Variants in HSPH1 observed in about 807,000 individuals in gnomAD.
HSPH1 encodes heat shock protein 105 kDa.
Under a neutral mutation model 100.0 loss-of-function variants are expected in HSPH1, and 40 were observed. That is an observed-to-expected ratio of 0.40 (90% CI 0.31 to 0.52). The LOEUF is 0.52. Ranked by LOEUF, HSPH1 falls within the 20% of genes least tolerant of loss-of-function variation. The pLI, the probability that HSPH1 is intolerant of heterozygous loss-of-function variation, is 0.54. For synonymous variants in HSPH1, 403 were observed against 344.0 expected (o/e 1.17, Z -1.90); for missense variants, 876 against 1,015.1 (o/e 0.86, Z 1.86).
chr13:31,145,190 T>C (rs548250091), intron 11 of HSPH1, among the ~76,000 whole-genome samples: 1 of 152,308 alleles, frequency 6.6e-6, no homozygotes, highest in Non-Finnish European at 1.5e-5. Flanking sequence ...AAAACTTTAA[T>C]ATTTGGTAGC....
intron 12 of HSPH1, among the ~76,000 whole-genome samples, chr13:31,141,831 T>G (rs922160626): frequency 7.4e-6 from 1 of 134,894 alleles, no homozygotes; most frequent in Non-Finnish European, 1.6e-5. Flanking sequence ...CACACACACA[T>G]TATTACTATC....
upstream of HSPH1, chr13:31,161,996 G>T (rs754490093): frequency 1.3e-5 from 20 of 1,536,052 alleles, 2 homozygotes; most frequent in South Asian, 1.9e-4. Context: ...GCCTCCACCG[G>T]CCCCTCCACG....
chr13:31,162,294 C>A, upstream of HSPH1: 1 of 611,360 alleles, frequency 1.6e-6, no homozygotes, highest in Non-Finnish European at 2.9e-6. Context: ...AGACAGACCC[C>A]ATTTTTGCAG....
In HSPH1 at chr13:31,140,253, T is replaced by C. The variant is rs768292196; in HGVS notation, c.1911A>G (p.Ala637=). Reference sequence around the variant, plus strand: ...TGAACTCATACACATATTCCTCAACTGCATTTTTAGCATCATTCCTTTCTT... The same window carrying C: ...TGAACTCATACACATATTCCTCAACCGCATTTTTAGCATCATTCCTTTCTT... ...LEKERNDAKN[A]VEEYVYEFRD... is the part of the protein sequence containing the mutation. The change falls in exon 14 of 18, where the codon GCA becomes GCG. Residue 637 remains alanine, a synonymous_variant. Coordinates refer to ENST00000320027, the MANE Select transcript of HSPH1 (RefSeq NM_006644.4). The C allele has an allele frequency of 4.3e-6, 7 of 1,611,412 alleles. No homozygotes were observed. Among genetic ancestry groups the C allele is most frequent in the Middle Eastern group, 1.6e-4 (1 of 6,072 alleles).
chr13:31,137,892 G>A (rs1357424655), intron 17 of HSPH1, among the ~76,000 whole-genome samples: 2 of 152,142 alleles, frequency 1.3e-5, no homozygotes, highest in African/African-American at 4.8e-5. Context: ...GCTTGAAACT[G>A]ACAGTGCTTA....
Position 31,135,272 on chromosome 13 carries a change from T to C in HSPH1, c.*2046A>G, listed in dbSNP as rs1417884964. On this transcript the variant is annotated 3_prime_UTR_variant, in exon 18 of 18. Coordinates refer to ENST00000320027, the MANE Select transcript of HSPH1 (RefSeq NM_006644.4). ...ATTTTAGGACAGGAGGAAAAACATGTTTTCCCATTCACAGTTTTTAAAAAT... is the reference window on the plus strand; with the variant it reads ...ATTTTAGGACAGGAGGAAAAACATGCTTTCCCATTCACAGTTTTTAAAAAT... 1 of 150,562 alleles carries C rather than the reference T, an allele frequency of 6.6e-6. No individual in the cohort carries two copies. The highest frequency in any genetic ancestry group is 6.5e-5 in the Admixed American group (1 of 15,268). The allele number at this position is 150,562 out of a possible 1,614,324, so 9.3% of individuals were successfully genotyped here.
chr13:31,153,295 G>GT (rs1956553717), intron 4 of HSPH1, among the ~76,000 whole-genome samples: 1 of 152,148 alleles, frequency 6.6e-6, no homozygotes, highest in Non-Finnish European at 1.5e-5. Context: ...CAAACTAGTT[G>GT]TAAGTTTCTA....
At chr13:31,138,959 T>TA in intron 15 of HSPH1, 41 bp downstream of exon 15, 1 of 1,587,976 alleles carries the variant, frequency 6.3e-7, no homozygotes. Context: ...GTCTATAGTT[T>TA]AAAACACAAG....
chr13:31,140,623 C>T (rs537970148), intron 13 of HSPH1: 7 of 213,884 alleles, frequency 3.3e-5, no homozygotes, highest in South Asian at 2.1e-4. Flanking sequence ...AATGGTTATC[C>T]ATATTCAGAT....
rs1355698144 is a variant in HSPH1, at chr13:31,161,465, CT to C, written c.107+10del. Reference sequence around the variant, plus strand: ...ACCTCCTCCCATCCACCCTCGCAGACTCCCACTTACGGGGTGCACCGGTCGC... The same window carrying C: ...ACCTCCTCCCATCCACCCTCGCAGACCCCACTTACGGGGTGCACCGGTCGC... On this transcript the variant is annotated intron_variant, in intron 1 of 17. Transcript: ENST00000320027. 6.2e-7 allele frequency: 1 copy of C among 1,614,006 alleles called. No homozygotes were observed.
chr13:31,156,564 C>CAAAA (rs34646240), intron 2 of HSPH1, among the ~76,000 whole-genome samples: 99 of 142,722 alleles, frequency 6.9e-4, no homozygotes, highest in African/African-American at 2.5e-3. Flanking sequence ...AACTCATTCT[C>CAAAA]AAAAAAAAAA....
chr13:31,161,326 G>C, intron 1 of HSPH1, 150 bp downstream of exon 1: 1 of 1,373,336 alleles, frequency 7.3e-7, no homozygotes. Flanking sequence ...CCTCTGGCCG[G>C]GTCGCTGGTC....
At chr13:31,142,456 T>C (rs1956130300) in intron 12 of HSPH1, among the ~76,000 whole-genome samples, 1 of 152,028 alleles carries the variant, frequency 6.6e-6, no homozygotes, top group East Asian at 1.9e-4. Flanking sequence ...ACATTATGCA[T>C]GCTCTGAGGG....
In HSPH1 at chr13:31,150,201, G is replaced by A. The variant is rs1566007420; in HGVS notation, c.909-19C>T. The A allele has an allele frequency of 1.3e-6, 2 of 1,527,662 alleles. No homozygotes were observed. The highest frequency in any genetic ancestry group is 4.5e-5 in the East Asian group (2 of 44,006). 94.6% of individuals were successfully genotyped at this position (1,527,662 alleles called of 1,614,324 possible). Reference sequence around the variant, plus strand: ...TTGTGACCTTAGCAAATAAAAACTTGTTTTTAGAAAAGTTAAGACCAATAT... The same window carrying A: ...TTGTGACCTTAGCAAATAAAAACTTATTTTTAGAAAAGTTAAGACCAATAT... On this transcript the variant is annotated intron_variant, in intron 7 of 17. Coordinates refer to ENST00000320027, the MANE Select transcript of HSPH1 (RefSeq NM_006644.4).
intron 17 of HSPH1, among the ~76,000 whole-genome samples, 196 bp from the exon 18 acceptor site, chr13:31,137,720 T>G (rs4941761): frequency 0.28 from 41,945 of 152,066 alleles, 7,262 homozygotes; most frequent in East Asian, 0.83. Context: ...TCTTCCAGGA[T>G]GTGTTAGGAC....
At chr13:31,138,236 A>G (rs1955955958) in intron 17 of HSPH1, among the ~76,000 whole-genome samples, 171 bp downstream of exon 17, 1 of 152,146 alleles carries the variant, frequency 6.6e-6, no homozygotes, top group African/African-American at 2.4e-5. Context: ...AAATTCAACA[A>G]ACTTATGAGG....
rs753230206 is a variant in HSPH1 at position 31,147,953 on chromosome 13, C to A, written c.1378+6G>T. 1 of 1,583,576 alleles carries A rather than the reference C, an allele frequency of 6.3e-7. No individual in the cohort carries two copies. The highest frequency in any genetic ancestry group is 1.2e-5 in the South Asian group (1 of 84,878). ...AAGAGTAAAATATACACAATGAACTCCTTACCTATTTTTGCTTCTGGATAT... is the reference window on the plus strand; with the variant it reads ...AAGAGTAAAATATACACAATGAACTACTTACCTATTTTTGCTTCTGGATAT... On this transcript the variant is annotated splice_donor_region_variant and intron_variant, in intron 10 of 17. Coordinates refer to ENST00000320027, the MANE Select transcript of HSPH1 (RefSeq NM_006644.4).
intron 1 of HSPH1, among the ~76,000 whole-genome samples, chr13:31,159,307 A>G (rs80134903): frequency 0.021 from 3,165 of 152,334 alleles, 118 homozygotes; most frequent in African/African-American, 0.073. Context: ...TTTAGGAATC[A>G]AAAGTTTTTA....
chr13:31,157,793 T>C (rs1051743357), intron 2 of HSPH1, among the ~76,000 whole-genome samples: 5 of 152,344 alleles, frequency 3.3e-5, no homozygotes, highest in Admixed American at 2.6e-4. Flanking sequence ...GAGAGCTACC[T>C]ACATAAAATT....
Sources: allele counts gnomAD v4.1 joint callset (sites outside exome capture counted in the v4.1 genomes callset), GRCh38; gene constraint gnomAD v4.1.1; transcripts MANE v1.5; gene names NCBI Gene and HGNC (gene_info 2026-07-23, HGNC 2026-07-21).